KCNIP4: variants seen among roughly 807,000 people sequenced by gnomAD.
KCNIP4 encodes Kv channel-interacting protein 4.
In KCNIP4, 12 loss-of-function variants were observed where a neutral mutation model predicts 34.0. That is an observed-to-expected ratio of 0.35 (90% CI 0.23 to 0.57). The LOEUF is 0.57. KCNIP4 is among the 20% of genes least tolerant of loss of function. The pLI is 0.83. For missense variants in KCNIP4, 238 were observed against 311.7 expected, an observed-to-expected ratio of 0.76 and a Z score of 1.78; for synonymous variants, 124 against 102.2, an observed-to-expected ratio of 1.21 and a Z score of -1.29.
At chr4:20,834,400 C>G (rs1718797254) in intron 3 of KCNIP4, among the ~76,000 whole-genome samples, 2 of 152,060 alleles carry the variant, frequency 1.3e-5, no homozygotes, top group Non-Finnish European at 2.9e-5. Flanking sequence ...GCAACTCTGC[C>G]CTCATTTACC....
At chr4:21,858,871 T>C (rs1383383819) in intron 1 of KCNIP4, among the ~76,000 whole-genome samples, 1 of 152,220 alleles carries the variant, frequency 6.6e-6, no homozygotes, top group Non-Finnish European at 1.5e-5. Flanking sequence ...CACAGTATCC[T>C]AAGATATACT....
intron 1 of KCNIP4, among the ~76,000 whole-genome samples, chr4:20,963,548 T>C (rs138833524): frequency 7.9e-5 from 12 of 152,260 alleles, no homozygotes; most frequent in African/African-American, 2.9e-4. Context: ...AGGTGCTATG[T>C]GTACTATGGA....
intron 1 of KCNIP4, among the ~76,000 whole-genome samples, chr4:21,228,977 G>A (rs199540900): frequency 5.0e-4 from 76 of 152,188 alleles, no homozygotes; most frequent in African/African-American, 1.8e-3. Context: ...GGTCACTCAA[G>A]GCCTCTTTGA....
chr4:21,213,269 C>T (rs1043756474), intron 1 of KCNIP4, among the ~76,000 whole-genome samples: 1 of 151,838 alleles, frequency 6.6e-6, no homozygotes, highest in Non-Finnish European at 1.5e-5. Flanking sequence ...TTCTTTCTTT[C>T]TTTCATTCTT....
chr4:21,802,064 G>A (rs1721035741), intron 1 of KCNIP4, among the ~76,000 whole-genome samples: 1 of 151,368 alleles, frequency 6.6e-6, no homozygotes, highest in Non-Finnish European at 1.5e-5. Context: ...AATGAGAATG[G>A]GAATTAATAT....
intron 1 of KCNIP4, among the ~76,000 whole-genome samples, chr4:21,501,769 C>A (rs1011104549): frequency 5.4e-5 from 8 of 147,780 alleles, no homozygotes; most frequent in Admixed American, 1.4e-4. Flanking sequence ...AGTCTATGAA[C>A]ATCACCAAGG....
chr4:21,283,231 T>C (rs55795402), intron 1 of KCNIP4, among the ~76,000 whole-genome samples: 12,141 of 152,176 alleles, frequency 0.08, 566 homozygotes, highest in South Asian at 0.17. Context: ...GAAAGAACTG[T>C]CCTAAAATTG....
At chr4:21,727,391 C>T (rs2109104986) in intron 1 of KCNIP4, among the ~76,000 whole-genome samples, 1 of 152,230 alleles carries the variant, frequency 6.6e-6, no homozygotes, top group Admixed American at 6.5e-5. Flanking sequence ...CAGCAGCCCT[C>T]AAAAGACACA....
rs925865943 is a variant in KCNIP4, at chr4:21,653,614, T to G, written c.61+294957A>C. Among the ~76,000 whole-genome samples the G allele has an allele frequency of 2.6e-5, 4 of 152,256 alleles. No individual in the cohort carries two copies. The South Asian group carries it at 8.3e-4, about 31-fold the overall frequency. On this transcript the variant is annotated intron_variant, in intron 1 of 8. Coordinates refer to ENST00000382152, the MANE Select transcript of KCNIP4 (RefSeq NM_025221.6). The stretch of plus-strand genomic sequence containing the variant: ...CTAGTTTACATGTTGTAGAGCCTTA[T>G]GAATTTTAGAGTCCAGCAGCATTAA...
At chr4:21,547,899 G>C (rs539962670) in intron 1 of KCNIP4, among the ~76,000 whole-genome samples, 1 of 151,890 alleles carries the variant, frequency 6.6e-6, no homozygotes, top group Non-Finnish European at 1.5e-5. Flanking sequence ...ATAATTTTGC[G>C]CCTGAAACAA....
At chr4:21,312,114 G>A (rs1713248760) in intron 1 of KCNIP4, among the ~76,000 whole-genome samples, 1 of 152,172 alleles carries the variant, frequency 6.6e-6, no homozygotes, top group Non-Finnish European at 1.5e-5. Flanking sequence ...GTAGTTAAAT[G>A]GAGGAACAAT....
At chr4:21,761,759 G>A (rs1473865491) in intron 1 of KCNIP4, among the ~76,000 whole-genome samples, 7 of 151,522 alleles carry the variant, frequency 4.6e-5, no homozygotes, top group East Asian at 3.9e-4. Flanking sequence ...AGGAAGAGAG[G>A]GGAAAATTGT....
At chr4:21,934,429 C>T (rs920735112) in intron 1 of KCNIP4, among the ~76,000 whole-genome samples, 55 of 152,092 alleles carry the variant, frequency 3.6e-4, no homozygotes, top group African/African-American at 1.3e-3. Flanking sequence ...TTCCTCTTCC[C>T]ATGTAATCAC....
intron 1 of KCNIP4, chr4:21,849,921 G>A (rs1234429160): frequency 1.3e-5 from 2 of 152,036 alleles, no homozygotes; most frequent in African/African-American, 4.8e-5. Flanking sequence ...CATAAGTAAT[G>A]TAAATGTAAC....
At chr4:21,684,279 C>T (rs1377362316) in intron 1 of KCNIP4, among the ~76,000 whole-genome samples, 1 of 152,132 alleles carries the variant, frequency 6.6e-6, no homozygotes, top group African/African-American at 2.4e-5. Flanking sequence ...CCCATGACTA[C>T]TTTTCTTATT....
chr4:21,504,475 A>AAAAAAAAAAAAAAAAAAAAG (rs1264431211), intron 1 of KCNIP4, among the ~76,000 whole-genome samples: 3 of 101,852 alleles, frequency 2.9e-5, no homozygotes, highest in African/African-American at 7.8e-5. Context: ...CAAAAAAAAA[A>AAAAAAAAAAAAAAAAAAAAG]AAAGAAAGAA....
At chr4:21,348,521 C>T (rs2109366839) in intron 1 of KCNIP4, among the ~76,000 whole-genome samples, 1 of 152,242 alleles carries the variant, frequency 6.6e-6, no homozygotes, top group East Asian at 1.9e-4. Context: ...GCAAGCAAAG[C>T]CTGTATACAA....
At chr4:21,592,656 G>T in intron 1 of KCNIP4, among the ~76,000 whole-genome samples, 1 of 152,168 alleles carries the variant, frequency 6.6e-6, no homozygotes, top group South Asian at 2.1e-4. Context: ...TGTAAGGCAC[G>T]TGCTTATAAG....
At chr4:21,025,793 A>T (rs1002935937) in intron 1 of KCNIP4, among the ~76,000 whole-genome samples, 1 of 151,990 alleles carries the variant, frequency 6.6e-6, no homozygotes, top group African/African-American at 2.4e-5. Context: ...TGACCAGGCT[A>T]TCTGCCTGCC....
Sources: allele counts gnomAD v4.1 joint callset (sites outside exome capture counted in the v4.1 genomes callset), GRCh38; gene constraint gnomAD v4.1.1; transcripts MANE v1.5; gene names NCBI Gene and HGNC (gene_info 2026-07-23, HGNC 2026-07-21).